RAP1GAP2: variants seen among roughly 807,000 people sequenced by gnomAD.
The protein encoded by RAP1GAP2 is RAP1 GTPase activating protein 2.
In RAP1GAP2, 27 loss-of-function variants were observed where a neutral mutation model predicts 95.0. The ratio of observed to expected loss-of-function variants is 0.28; its 90% CI spans 0.21 to 0.39. The LOEUF (loss-of-function observed/expected upper bound fraction) is 0.39. RAP1GAP2 is among the 10% of genes least tolerant of loss of function. The pLI, the probability that RAP1GAP2 is intolerant of heterozygous loss-of-function variation, is 1.00. For missense variants in RAP1GAP2, 771 were observed against 970.0 expected (o/e 0.79, Z 2.72); for synonymous variants, 373 against 380.9 (o/e 0.98, Z 0.24).
intron 22 of RAP1GAP2, 28 bp from the exon 23 acceptor site, chr17:3,030,894 C>A (rs778583796): frequency 1.3e-6 from 2 of 1,584,588 alleles, no homozygotes; most frequent in East Asian, 2.3e-5. Flanking sequence ...CAGCTCCACC[C>A]TCCTTTCATG....
chr17:2,773,474 C>T (rs2068436864), upstream of RAP1GAP2, among the ~76,000 whole-genome samples: 1 of 152,060 alleles, frequency 6.6e-6, no homozygotes, highest in Non-Finnish European at 1.5e-5. Context: ...GATGGGACAG[C>T]TAAGGAGGTT....
intron 3 of RAP1GAP2, among the ~76,000 whole-genome samples, chr17:2,952,809 GT>G (rs146207427): frequency 2.0e-5 from 3 of 148,758 alleles, no homozygotes; most frequent in Non-Finnish European, 3.0e-5. Flanking sequence ...ACATTTTTCT[GT>G]TTTTTTTTTC....
chr17:3,020,648 C>G (rs959477943), intron 19 of RAP1GAP2, 53 bp downstream of exon 19: 2 of 1,489,910 alleles, frequency 1.3e-6, no homozygotes, highest in African/African-American at 2.8e-5. Flanking sequence ...CTGTCAACCC[C>G]CTCCACTGCT....
intron 3 of RAP1GAP2, among the ~76,000 whole-genome samples, chr17:2,949,874 G>A (rs527906372): frequency 8.1e-4 from 123 of 152,298 alleles, no homozygotes; most frequent in African/African-American, 2.8e-3. Flanking sequence ...AAGTGGGGCC[G>A]GCCCAGCCAA....
intron 2 of RAP1GAP2, among the ~76,000 whole-genome samples, chr17:2,888,373 C>T (rs553784907): frequency 7.4e-4 from 113 of 152,310 alleles, no homozygotes; most frequent in Non-Finnish European, 1.4e-3. Context: ...AATGATTCCT[C>T]CTTTCGGTAC....
chr17:2,908,087 G>A (rs1053641326), intron 3 of RAP1GAP2, among the ~76,000 whole-genome samples: 3 of 152,180 alleles, frequency 2.0e-5, no homozygotes, highest in Non-Finnish European at 4.4e-5. Flanking sequence ...TTACAGTCGT[G>A]AGCCACCACG....
In RAP1GAP2 at chr17:2,944,771, C is replaced by T. The variant is rs189937427; in HGVS notation, c.166-12988C>T. 5.8e-4 allele frequency among the ~76,000 whole-genome samples: 89 copies of T among 152,242 alleles called. 1 individual carries two copies. The highest frequency in any genetic ancestry group is 2.4e-4 in the Non-Finnish European group (16 of 68,018). Reference sequence around the variant, plus strand: ...TCTCCAATCCATGAACATGGAATGTCGTTCCATTTATTTATGTCTTCTTTA... The same window carrying T: ...TCTCCAATCCATGAACATGGAATGTTGTTCCATTTATTTATGTCTTCTTTA... On this transcript the variant is annotated intron_variant, in intron 3 of 24. Coordinates refer to ENST00000254695, the MANE Select transcript of RAP1GAP2 (RefSeq NM_015085.5).
Position 2,963,340 on chromosome 17 carries a change from A to C in RAP1GAP2, c.247-90A>C. On this transcript the variant is annotated intron_variant, in intron 5 of 24. Coordinates refer to ENST00000254695, the MANE Select transcript of RAP1GAP2 (RefSeq NM_015085.5). This position sits in a 1 kb window ranked among gnomAD's most constrained non-coding sequence, Gnocchi z 4.8. ...GTTCCTCCCTCAAAGCCCCCCCACA[A>C]CATATCCCCCTTGCAAGACCTGGAA... 1 of 1,097,466 alleles carries C rather than the reference A, an allele frequency of 9.1e-7. No individual in the cohort carries two copies. Among genetic ancestry groups the C allele is most frequent in the Non-Finnish European group, 1.3e-6 (1 of 746,338 alleles). The allele number at this position is 1,097,466 out of a possible 1,614,324, so 68.0% of individuals were successfully genotyped here.
Position 3,003,720 on chromosome 17 carries a change from A to G in RAP1GAP2, c.1201-1649A>G, listed in dbSNP as rs1294645894. On this transcript the variant is annotated intron_variant, in intron 14 of 24. Transcript: ENST00000254695. The surrounding 1 kb of genome is among the most constrained non-coding windows in gnomAD (Gnocchi z 4.1). ...GAGGCCCTCGCTGCATTTAGAAAAC[A>G]GGAAGGTGGGGCTGTGTTCAGGCAA... Among the ~76,000 whole-genome samples, 1 of 152,178 alleles carries G rather than the reference A, an allele frequency of 6.6e-6. No homozygotes were observed. The highest frequency in any genetic ancestry group is 1.5e-5 in the Non-Finnish European group (1 of 68,034).
At chr17:2,853,591 C>T (rs1352207041) in intron 2 of RAP1GAP2, among the ~76,000 whole-genome samples, 2 of 150,340 alleles carry the variant, frequency 1.3e-5, no homozygotes, top group Non-Finnish European at 3.0e-5. Flanking sequence ...TCCGCCTCCT[C>T]CTGCGCTTCG....
At chr17:2,932,842 A>AGG (rs1555571560) in intron 3 of RAP1GAP2, among the ~76,000 whole-genome samples, 3,601 of 93,954 alleles carry the variant, frequency 0.038, 762 homozygotes, top group African/African-American at 0.11. Context: ...AAAAAAAAAA[A>AGG]AGAGCAGGGA....
intron 3 of RAP1GAP2, among the ~76,000 whole-genome samples, chr17:2,921,340 T>C (rs2042762103): frequency 6.6e-6 from 1 of 152,018 alleles, no homozygotes; most frequent in African/African-American, 2.4e-5. Context: ...AGCTTGGGAT[T>C]ACAGGCACCG....
At chr17:2,805,317 G>A (rs1381679473) in intron 2 of RAP1GAP2, among the ~76,000 whole-genome samples, 1 of 152,058 alleles carries the variant, frequency 6.6e-6, no homozygotes, top group African/African-American at 2.4e-5. Context: ...CAGCCGGAAC[G>A]GGAGGATCTG....
At chr17:2,967,142 G>A (rs1009752446) in intron 8 of RAP1GAP2, among the ~76,000 whole-genome samples, 2 of 152,228 alleles carry the variant, frequency 1.3e-5, no homozygotes, top group African/African-American at 2.4e-5. Context: ...GTCAAGGCGG[G>A]TGGATCACGA....
intron 2 of RAP1GAP2, among the ~76,000 whole-genome samples, chr17:2,895,049 A>T (rs1336711533): frequency 1.3e-5 from 2 of 152,132 alleles, no homozygotes; most frequent in Non-Finnish European, 2.9e-5. Context: ...CACTGTTTGT[A>T]CTGTGTGTGT....
At chr17:2,850,157 C>T (rs1336749559) in intron 2 of RAP1GAP2, among the ~76,000 whole-genome samples, 5 of 151,566 alleles carry the variant, frequency 3.3e-5, no homozygotes, top group Non-Finnish European at 5.9e-5. Flanking sequence ...CCCGCCACCA[C>T]GCCCGGCTAA....
rs565590723 is a variant in RAP1GAP2, at chr17:2,814,544, C to T, written c.80+13994C>T. ...GGCAGCCGGAACCTCAGGTCACATGCAGCTCCTCCCGCGCCGTGGGGATCT... is the reference window on the plus strand; with the variant it reads ...GGCAGCCGGAACCTCAGGTCACATGTAGCTCCTCCCGCGCCGTGGGGATCT... On this transcript the variant is annotated intron_variant, in intron 2 of 24. Transcript: ENST00000254695. 1.5e-4 allele frequency among the ~76,000 whole-genome samples: 23 copies of T among 152,306 alleles called. 1 individual carries two copies. The East Asian group carries it at 4.4e-3, about 29-fold the overall frequency.
intron 17 of RAP1GAP2, among the ~76,000 whole-genome samples, chr17:3,016,433 G>A (rs1165108499): frequency 2.0e-5 from 3 of 152,216 alleles, no homozygotes; most frequent in Non-Finnish European, 4.4e-5. Context: ...GTTGATACTT[G>A]TATGTGAACA....
At chr17:2,766,214 C>T (rs141194546) in intron 1 of RAP1GAP2, among the ~76,000 whole-genome samples, 72 of 152,242 alleles carry the variant, frequency 4.7e-4, no homozygotes, top group Non-Finnish European at 9.3e-4. Flanking sequence ...TCTACCACGG[C>T]GCCTTTCTCC....
Sources: gnomAD v4.1 joint callset for allele counts (sites outside exome capture counted in the v4.1 genomes callset) on GRCh38, gnomAD v4.1.1 for gene constraint, Gnocchi (gnomAD v3.1) non-coding constraint, MANE v1.5 for transcripts, NCBI Gene and HGNC (gene_info 2026-07-23, HGNC 2026-07-21) for gene names.